RIMBP2: variants seen among roughly 807,000 people sequenced by gnomAD.
RIMBP2 encodes RIMS binding protein 2, also known as RIMS-binding protein 2.
A neutral mutation model predicts 118.6 loss-of-function variants in RIMBP2; 48 were observed. The observed-to-expected ratio is 0.40, with a 90% CI of 0.32 to 0.51. The LOEUF (loss-of-function observed/expected upper bound fraction) is 0.51. Among genes scored for constraint, RIMBP2 ranks in the 20% least tolerant of loss-of-function variants. The pLI, the probability that RIMBP2 is intolerant of heterozygous loss-of-function variation, is 0.41. For missense variants in RIMBP2, 1,551 were observed against 1,768.3 expected (o/e 0.88, Z 2.20); for synonymous variants, 762 against 742.9 (o/e 1.03, Z -0.42).
At chr12:130,500,611 A>G (rs1263456805) in intron 4 of RIMBP2, among the ~76,000 whole-genome samples, 1 of 152,046 alleles carries the variant, frequency 6.6e-6, no homozygotes, top group Non-Finnish European at 1.5e-5. Context: ...TTGGAAACAA[A>G]AAAGCCAGCA....
chr12:130,422,437 T>C lies in RIMBP2; in HGVS notation c.3238+16A>G. 1.3e-6 allele frequency: 2 copies of C among 1,570,176 alleles called. No individual in the cohort carries two copies. Among genetic ancestry groups the C allele is most frequent in the Non-Finnish European group, 1.8e-6 (2 of 1,142,216 alleles). ...CCGCGGCTGAAAGACACAACAGCGA[T>C]GATGGGGCCACTAACCGATGGATGG... On this transcript the variant is annotated intron_variant, in intron 17 of 22. Transcript: ENST00000690449. The surrounding 1 kb of genome is among the most constrained non-coding windows in gnomAD (Gnocchi z 5.2).
At chr12:130,561,346 T>G (rs1358673041) in intron 2 of RIMBP2, among the ~76,000 whole-genome samples, 1 of 152,164 alleles carries the variant, frequency 6.6e-6, no homozygotes, top group African/African-American at 2.4e-5. Context: ...ATGTCTTCAT[T>G]CATTTTCCTG....
At chr12:130,571,283 C>T (rs1268086738) in intron 2 of RIMBP2, among the ~76,000 whole-genome samples, 2 of 152,164 alleles carry the variant, frequency 1.3e-5, no homozygotes, top group Admixed American at 1.3e-4. Context: ...CATGGGTCCC[C>T]GCAAGGGGAA....
chr12:130,535,672 TAC>T (rs1285994261), intron 2 of RIMBP2, among the ~76,000 whole-genome samples: 1 of 115,468 alleles, frequency 8.7e-6, no homozygotes, highest in East Asian at 3.0e-4. Context: ...TATACATATA[TAC>T]ACATATATAT....
intron 1 of RIMBP2, among the ~76,000 whole-genome samples, chr12:130,633,251 C>G (rs776007065): frequency 3.9e-5 from 6 of 152,188 alleles, no homozygotes; most frequent in Non-Finnish European, 7.3e-5. Context: ...ATCATTTGAG[C>G]TCAAAGAATT....
In RIMBP2 at chr12:130,450,640, C is replaced by G. The variant is rs998464213; in HGVS notation, c.505-364G>C. ...AATTAAGCAGTATGTGCACGACCCC[C>G]CAGTGATCCCACTCTCACTCCCCCT... On this transcript the variant is annotated intron_variant, in intron 8 of 22. Transcript: ENST00000690449. This position sits in a 1 kb window ranked among gnomAD's most constrained non-coding sequence, Gnocchi z 4.8. Among the ~76,000 whole-genome samples, 38 of 151,574 alleles carry G rather than the reference C, an allele frequency of 2.5e-4. No individual in the cohort carries two copies. Among genetic ancestry groups the G allele is most frequent in the African/African-American group, 7.3e-4 (30 of 41,194 alleles).
intron 2 of RIMBP2, among the ~76,000 whole-genome samples, chr12:130,610,165 C>A (rs986415937): frequency 2.0e-5 from 3 of 150,140 alleles, no homozygotes; most frequent in African/African-American, 7.5e-5. Context: ...CTGCTCCTCC[C>A]GGTCCCTCCC....
At chr12:130,682,979 T>C (rs539902008) in intron 1 of RIMBP2, among the ~76,000 whole-genome samples, 2 of 152,234 alleles carry the variant, frequency 1.3e-5, no homozygotes, top group Admixed American at 6.5e-5. Context: ...GATGGGCTTA[T>C]TTTGTTGTCT....
At chr12:130,612,756 C>G (rs1007063790) in intron 2 of RIMBP2, among the ~76,000 whole-genome samples, 7 of 152,168 alleles carry the variant, frequency 4.6e-5, no homozygotes, top group African/African-American at 1.4e-4. Context: ...TCACCGCAGG[C>G]CCCCCTGGAT....
At chr12:130,613,226 C>T (rs547190156) in intron 2 of RIMBP2, among the ~76,000 whole-genome samples, 124 of 152,328 alleles carry the variant, frequency 8.1e-4, no homozygotes, top group African/African-American at 2.5e-3. Context: ...GGCGGGTTGC[C>T]GGGGCCAACA....
chr12:130,592,144 C>T (rs146191613), intron 2 of RIMBP2, among the ~76,000 whole-genome samples: 15 of 152,338 alleles, frequency 9.8e-5, no homozygotes, highest in African/African-American at 3.4e-4. Context: ...TGATTACCAG[C>T]ACATGCCATA....
intron 2 of RIMBP2, among the ~76,000 whole-genome samples, chr12:130,529,130 C>CAT (rs2053109763): frequency 2.0e-5 from 3 of 152,204 alleles, no homozygotes; most frequent in African/African-American, 7.2e-5. Flanking sequence ...GAAGGAATGA[C>CAT]GTGCTGATTC....
At chr12:130,510,239 A>C (rs1014151480) in intron 3 of RIMBP2, among the ~76,000 whole-genome samples, 2 of 152,234 alleles carry the variant, frequency 1.3e-5, no homozygotes, top group Non-Finnish European at 2.9e-5. Context: ...TTTGTCCCAC[A>C]GTAGAGCTAG....
chr12:130,559,786 T>C (rs1204889457), intron 2 of RIMBP2, among the ~76,000 whole-genome samples: 1 of 152,226 alleles, frequency 6.6e-6, no homozygotes, highest in African/African-American at 2.4e-5. Flanking sequence ...TGTGTCAACC[T>C]GGGAGCTAGC....
chr12:130,681,366 G>A (rs1256001235), intron 1 of RIMBP2, among the ~76,000 whole-genome samples: 1 of 152,050 alleles, frequency 6.6e-6, no homozygotes, highest in Admixed American at 6.6e-5. Flanking sequence ...ACCATTTTAA[G>A]TGAACACTTT....
At position 130,637,381 on chromosome 12, in the gene RIMBP2, C is replaced by T. The variant is rs558309095; in HGVS notation, c.-351-8925G>A. On this transcript the variant is annotated intron_variant, in intron 1 of 22. Coordinates refer to ENST00000690449, the MANE Select transcript of RIMBP2 (RefSeq NM_001393629.1). ...TGGAACGCAGGAAACACTGGATTGA[C>T]ACATTTCGAGTGAATGAATGAATGG... is the stretch of plus-strand genomic sequence containing the variant. Among the ~76,000 whole-genome samples the T allele has an allele frequency of 8.5e-5, 13 of 152,332 alleles. No homozygotes were observed. The South Asian group carries it at 2.5e-3, about 29-fold the overall frequency.
intron 1 of RIMBP2, among the ~76,000 whole-genome samples, chr12:130,706,196 C>G (rs2066110929): frequency 6.6e-6 from 1 of 152,214 alleles, no homozygotes; most frequent in South Asian, 2.1e-4. Context: ...ATTTAATCAT[C>G]AAAGCACCCC....
intron 1 of RIMBP2, among the ~76,000 whole-genome samples, chr12:130,708,738 G>A (rs145671499): frequency 1.8e-4 from 28 of 152,198 alleles, no homozygotes; most frequent in African/African-American, 5.8e-4. Context: ...TTATACCTGC[G>A]CCCCAGCTCA....
At chr12:130,647,840 C>T (rs1211365462) in intron 1 of RIMBP2, among the ~76,000 whole-genome samples, 2 of 146,098 alleles carry the variant, frequency 1.4e-5, no homozygotes, top group Non-Finnish European at 3.1e-5. Flanking sequence ...AGACCCTCCC[C>T]TTTAAGCCAT....
Sources: allele counts gnomAD v4.1 joint callset (sites outside exome capture counted in the v4.1 genomes callset), GRCh38; gene constraint gnomAD v4.1.1; non-coding constraint Gnocchi (gnomAD v3.1); transcripts MANE v1.5; gene names NCBI Gene and HGNC (gene_info 2026-07-23, HGNC 2026-07-21).